The following NUP188 variants were observed in gnomAD, a reference collection of about 807,000 sequenced individuals.
The protein encoded by NUP188 is nucleoporin 188, also known as nucleoporin NUP188.
A neutral mutation model predicts 223.0 loss-of-function variants in NUP188; 97 were observed. The observed-to-expected ratio is 0.43, with a 90% confidence interval of 0.37 to 0.51. The LOEUF is 0.51. Ranked by LOEUF, NUP188 falls within the 20% of genes least tolerant of loss-of-function variation. The pLI, the probability that NUP188 is intolerant of heterozygous loss-of-function variation, is 0.00. For missense variants in NUP188, 1,947 were observed against 2,175.6 expected (o/e 0.89, Z 2.09); for synonymous variants, 869 against 828.0 (o/e 1.05, Z -0.85).
chr9:128,975,127 T>C (rs1842157725), intron 12 of NUP188, among the ~76,000 whole-genome samples: 1 of 152,084 alleles, frequency 6.6e-6, no homozygotes, highest in African/African-American at 2.4e-5. Context: ...TGTTTGACAC[T>C]ACCCTTATAT....
At chr9:128,955,095 C>T (rs547752760) in intron 3 of NUP188, among the ~76,000 whole-genome samples, 1 of 152,076 alleles carries the variant, frequency 6.6e-6, no homozygotes, top group African/African-American at 2.4e-5. Context: ...AGGTGATCCG[C>T]CCGCCTCAGC....
intron 10 of NUP188, 136 bp downstream of exon 10, chr9:128,969,650 G>C: frequency 1.9e-6 from 1 of 527,758 alleles, no homozygotes; most frequent in Non-Finnish European, 3.3e-6. Context: ...CAATGTTTTC[G>C]TTTTGTTTTG....
chr9:128,996,587 G>A (rs1043146715), intron 30 of NUP188, among the ~76,000 whole-genome samples: 4 of 152,262 alleles, frequency 2.6e-5, no homozygotes, highest in Middle Eastern at 3.4e-3. Flanking sequence ...AGGAGGGGCA[G>A]GTTTGTGGCT....
chr9:128,968,886 G>T (rs1373758612), intron 9 of NUP188, among the ~76,000 whole-genome samples, 169 bp downstream of exon 9: 1 of 152,124 alleles, frequency 6.6e-6, no homozygotes, highest in African/African-American at 2.4e-5. Context: ...ATTGAGAGAG[G>T]ACTCTCAAAA....
In NUP188 at chr9:128,947,706, G is replaced by A. The variant is rs545165702; in HGVS notation, c.-14G>A. ...GCGTCTGGGGGCGGGGTTAGGGCGA[G>A]CGGGCGCGCGAAGATGGCGGCGGCC... On this transcript the variant is annotated 5_prime_UTR_variant, in exon 1 of 44. Coordinates refer to ENST00000372577, the MANE Select transcript of NUP188 (RefSeq NM_015354.3). 6.6e-5 allele frequency: 97 copies of A among 1,469,258 alleles called. No homozygotes were observed. The South Asian group carries it at 1.2e-3, about 18-fold the overall frequency. 91.0% of individuals were successfully genotyped at this position (1,469,258 alleles called of 1,614,324 possible).
At chr9:128,987,179 C>A (rs1383857035) in intron 22 of NUP188, among the ~76,000 whole-genome samples, 1 of 148,760 alleles carries the variant, frequency 6.7e-6, no homozygotes, top group African/African-American at 2.5e-5. Context: ...ATGATCGTTA[C>A]AAAAGTTCAT....
Position 128,959,147 on chromosome 9 carries a change from T to A in NUP188, c.585+13T>A. On this transcript the variant is annotated intron_variant, in intron 8 of 43. Transcript: ENST00000372577. Reference sequence around the variant, plus strand: ...TGGAAATCTCATGGTATGTGGTTACTGTGCTCTCCTGTAACTTTTTTTTTT... The same window carrying A: ...TGGAAATCTCATGGTATGTGGTTACAGTGCTCTCCTGTAACTTTTTTTTTT... The A allele has an allele frequency of 3.2e-6, 5 of 1,561,668 alleles. No homozygotes were observed. The highest frequency in any genetic ancestry group is 1.4e-5 in the African/African-American group (1 of 72,394).
At position 128,987,086 on chromosome 9, in the gene NUP188, A is replaced by AGTGTGTGTGT. The variant is rs1393383886; in HGVS notation, c.2264+212_2264+213insTGTGTGTGTG. Among the ~76,000 whole-genome samples, 13 of 128,488 alleles carry AGTGTGTGTGT rather than the reference A, an allele frequency of 1.0e-4. No individual in the cohort carries two copies. The East Asian group carries it at 1.2e-3, about 11-fold the overall frequency. 84.3% of individuals were successfully genotyped at this position (128,488 alleles called of 152,430 possible). A position where few individuals can be genotyped will look rare whatever the true frequency, so the allele number is the denominator to read the frequency against. ...GAATGAGAGAGAGAGAGAGAGAGAG[A>AGTGTGTGTGT]GAGTGTGTGTGTGTGTGTGTGTGTG... On this transcript the variant is annotated intron_variant, in intron 22 of 43. Transcript: ENST00000372577.
chr9:128,953,715 T>G (rs1242209485), intron 3 of NUP188, among the ~76,000 whole-genome samples: 1 of 152,202 alleles, frequency 6.6e-6, no homozygotes, highest in Non-Finnish European at 1.5e-5. Context: ...CTTATCATTG[T>G]TTCCATTTTA....
Position 128,990,183 on chromosome 9 carries a change from C to G in NUP188, c.2597C>G (p.Ala866Gly). 6.2e-7 allele frequency: 1 copy of G among 1,614,210 alleles called. No homozygotes were observed. The highest frequency in any genetic ancestry group is 1.1e-5 in the South Asian group (1 of 91,090). The change falls in exon 25 of 44, where the codon GCT (alanine) becomes GGT (glycine). Residue 866 changes from alanine to glycine, a missense_variant. By Grantham distance (60) the Ala-to-Gly change is moderately conservative (BLOSUM62 0). This residue lies in a region of NUP188 where 225 missense variants were observed against 319.1 expected (regional missense o/e 0.71). Transcript: ENST00000372577. ...AKYIYHKHDPALPRLAIQLLK... is the reference protein window; with the variant it reads ...AKYIYHKHDPGLPRLAIQLLK... ...TACATCTACCACAAACATGACCCTG[C>G]TTTGCCACGTCTTGCCATTCAGCTG...
chr9:128,986,046 GA>G (rs776457710), intron 20 of NUP188, among the ~76,000 whole-genome samples: 6 of 151,024 alleles, frequency 4.0e-5, no homozygotes, highest in Admixed American at 1.3e-4. Context: ...TCTTGGGGGC[GA>G]AAAAAAAGAT....
chr9:128,952,860 G>C lies in NUP188; in HGVS notation c.161+14G>C. ...CAAACCTCCCAGGTATGGCAGTTCC[G>C]GGTGTCTGGTTAAAGTAATTGTCCT... On this transcript the variant is annotated intron_variant, in intron 3 of 43. Coordinates refer to ENST00000372577, the MANE Select transcript of NUP188 (RefSeq NM_015354.3). The C allele has an allele frequency of 1.9e-6, 3 of 1,606,094 alleles. No individual in the cohort carries two copies. Among genetic ancestry groups the C allele is most frequent in the Non-Finnish European group, 2.6e-6 (3 of 1,172,838 alleles).
chr9:129,002,122 C>T (rs1842682481), intron 36 of NUP188, 146 bp downstream of exon 36: 10 of 673,048 alleles, frequency 1.5e-5, no homozygotes, highest in East Asian at 5.4e-5. Flanking sequence ...TGCCCCCAGG[C>T]GGATCTCTAG....
At chr9:128,960,639 A>G (rs571953401) in intron 8 of NUP188, among the ~76,000 whole-genome samples, 13 of 152,334 alleles carry the variant, frequency 8.5e-5, no homozygotes, top group African/African-American at 2.6e-4. Flanking sequence ...TAAAAATGCT[A>G]TAAAAGGTGT....
intron 8 of NUP188, 59 bp from the exon 9 acceptor site, chr9:128,968,447 A>G: frequency 7.7e-7 from 1 of 1,304,552 alleles, no homozygotes; most frequent in African/African-American, 1.5e-5. Context: ...AATGTTCTTT[A>G]AGTACTGTTT....
intron 28 of NUP188, 61 bp from the exon 29 acceptor site, chr9:128,994,795 A>C (rs1329285599): frequency 7.4e-7 from 1 of 1,351,450 alleles, no homozygotes; most frequent in East Asian, 2.3e-5. Flanking sequence ...TCCCTGTTTG[A>C]TATACTGGGG....
At chr9:129,003,096 T>C in intron 37 of NUP188, 121 bp downstream of exon 37, 1 of 1,211,112 alleles carries the variant, frequency 8.3e-7, no homozygotes, top group East Asian at 2.4e-5. Context: ...GATGCCTTCA[T>C]TTTTGAGATG....
chr9:128,983,376 C>G lies in NUP188; in HGVS notation c.1880C>G (p.Ala627Gly), dbSNP rs774514245. The G allele has an allele frequency of 6.2e-7, 1 of 1,614,142 alleles. No individual in the cohort carries two copies. Among genetic ancestry groups the G allele is most frequent in the African/African-American group, 1.3e-5 (1 of 75,048 alleles). Residue 627 changes from alanine (A) to glycine (G), a missense_variant, in exon 18 of 44, where the codon GCA becomes GGA. By Grantham distance (60) the Ala-to-Gly change is moderately conservative. Coordinates refer to ENST00000372577, the MANE Select transcript of NUP188 (RefSeq NM_015354.3). ...ACTGTTTTGGCTGCCCGCAATCCAG[C>G]AAAGGTGAGATGCCAGATCTTCCCA... The part of the protein sequence containing the change: ...CLTVLAARNP[A>G]KVWTDLRHTG...
chr9:128,988,070 A>G lies in NUP188; in HGVS notation c.2417A>G (p.Gln806Arg), dbSNP rs769283689. ...PRSDGAEGQG[Q>R]GQLLIKTVKL... is the part of the protein sequence containing the mutation. ...AGTGATGGGGCAGAGGGCCAGGGGC[A>G]GGGCCAGCTGCTGATCAAGACAGTG... The change falls in exon 24 of 44, where the codon CAG becomes CGG. Residue 806 changes from glutamine (Q) to arginine (R), a missense_variant. Transcript: ENST00000372577. The G allele has an allele frequency of 5.0e-6, 8 of 1,614,232 alleles. No individual in the cohort carries two copies. Among genetic ancestry groups the G allele is most frequent in the Middle Eastern group, 1.6e-4 (1 of 6,062 alleles).
Sources: gnomAD v4.1 joint callset for allele counts (sites outside exome capture counted in the v4.1 genomes callset) on GRCh38, gnomAD v4.1.1 for gene constraint, gnomAD v4.1.1 regional missense constraint, MANE v1.5 for transcripts, NCBI Gene and HGNC (gene_info 2026-07-23, HGNC 2026-07-21) for gene names.